PML: variants seen among roughly 807,000 people sequenced by gnomAD.
PML encodes the protein protein PML.
A neutral mutation model predicts 65.2 loss-of-function variants in PML; 28 were observed. That is an observed-to-expected ratio of 0.43 (90% CI 0.32 to 0.59). The LOEUF (loss-of-function observed/expected upper bound fraction) is 0.59. Ranked by LOEUF, PML falls within the 20% of genes least tolerant of loss-of-function variation. The pLI, the probability that PML is intolerant of heterozygous loss-of-function variation, is 0.08. For synonymous variants in PML, 500 were observed against 508.8 expected (o/e 0.98, Z 0.23); for missense variants, 1,021 against 1,203.4 (o/e 0.85, Z 2.24).
Position 74,044,809 on chromosome 15 carries a change from A to T in PML, c.2450A>T (p.Gln817Leu), listed in dbSNP as rs753549555. 1 of 1,613,132 alleles carries T rather than the reference A, an allele frequency of 6.2e-7. No individual in the cohort carries two copies. Among genetic ancestry groups the T allele is most frequent in the South Asian group, 1.1e-5 (1 of 91,084 alleles). ...CTGAGTGCACACCGCCGTGACCGGC[A>T]GGGGGGCCTGAAGAAGTACAGCCGC... ...ELLSAHRRDR[Q>L]GGLKKYSRYL... is the part of the protein sequence containing the mutation. The change falls in exon 9 of 9, where the codon CAG becomes CTG. Residue 817 changes from glutamine to leucine, a missense_variant. Gln to Leu is a moderately radical substitution (Grantham distance 113). Coordinates refer to ENST00000268058, the MANE Select transcript of PML (RefSeq NM_033238.3).
intron 7 of PML, among the ~76,000 whole-genome samples, chr15:74,039,949 C>T (rs1595921286): frequency 1.3e-5 from 2 of 152,092 alleles, no homozygotes; most frequent in South Asian, 2.1e-4. Context: ...ATGCTTGGGA[C>T]GACTGTTAGA....
chr15:74,004,413 A>G (rs749797016), intron 2 of PML, among the ~76,000 whole-genome samples: 181 of 152,120 alleles, frequency 1.2e-3, no homozygotes, highest in Non-Finnish European at 2.2e-3. Flanking sequence ...GAGGTCTGCT[A>G]GCCTTAGTCT....
At chr15:73,995,328 G>A (rs1033894834) in intron 1 of PML, among the ~76,000 whole-genome samples, 3 of 152,246 alleles carry the variant, frequency 2.0e-5, no homozygotes, top group African/African-American at 7.2e-5. Context: ...CTGGCCTGGA[G>A]CCAGGGGCAT....
chr15:74,023,671 A>G (rs952267162), intron 3 of PML, among the ~76,000 whole-genome samples: 1 of 152,192 alleles, frequency 6.6e-6, no homozygotes. Flanking sequence ...CATGGGGAAC[A>G]CGTGAAAGTT....
At chr15:74,016,381 A>AAC (rs2141806313) in intron 2 of PML, among the ~76,000 whole-genome samples, 1 of 152,324 alleles carries the variant, frequency 6.6e-6, no homozygotes, top group Non-Finnish European at 1.5e-5. Context: ...CAGCCTGGGC[A>AAC]ACATAGCAAG....
chr15:74,032,704 T>C lies in PML; in HGVS notation c.1387T>C (p.Ser463Pro). ...GTACGCCTTCTCCATCAAAGGCCCT[T>C]CCTATGGAGAGGTAAGGTTCTCCCC... ...PVYAFSIKGP[S>P]YGEDVSNTTT... Residue 463 changes from serine to proline, a missense_variant, in exon 5 of 9, where the codon TCC becomes CCC. Transcript: ENST00000268058. The C allele has an allele frequency of 6.2e-7, 1 of 1,614,160 alleles. No individual in the cohort carries two copies. Among genetic ancestry groups the C allele is most frequent in the Non-Finnish European group, 8.5e-7 (1 of 1,179,998 alleles).
At chr15:74,006,518 G>A (rs1053335914) in intron 2 of PML, among the ~76,000 whole-genome samples, 47 of 152,158 alleles carry the variant, frequency 3.1e-4, no homozygotes, top group Admixed American at 2.7e-3. Flanking sequence ...AACTCAAAGC[G>A]TTGGTTAGAA....
chr15:74,020,660 T>C (rs761820246), intron 2 of PML, among the ~76,000 whole-genome samples: 1 of 152,204 alleles, frequency 6.6e-6, no homozygotes, highest in Non-Finnish European at 1.5e-5. Context: ...TATTCTGTTA[T>C]GGTTCTGGAG....
chr15:74,034,351 G>A lies in PML; in HGVS notation c.1658-127G>A, dbSNP rs565949358. 218 of 1,192,116 alleles carry A rather than the reference G, an allele frequency of 1.8e-4. 1 individual carries two copies. The highest frequency in any genetic ancestry group is 1.7e-3 in the Middle Eastern group (8 of 4,794). The allele number at this position is 1,192,116 out of a possible 1,614,324, so 73.8% of individuals were successfully genotyped here. A position where few individuals can be genotyped will look rare whatever the true frequency, so the allele number is the denominator to read the frequency against. On this transcript the variant is annotated intron_variant, in intron 6 of 8. Coordinates refer to ENST00000268058, the MANE Select transcript of PML (RefSeq NM_033238.3). ...ATTGGCACACACAGTGGCTGTTCCC[G>A]TCCCCCTGCAGGGCATCCGTTTCCC...
intron 2 of PML, among the ~76,000 whole-genome samples, chr15:74,010,271 A>C (rs2070270317): frequency 7.1e-6 from 1 of 140,922 alleles, no homozygotes; most frequent in African/African-American, 2.7e-5. Context: ...GAGCTCAGGC[A>C]ATCCACCTGC....
At position 74,046,802 on chromosome 15, in the gene PML, G is replaced by C. The variant is rs1159364985; in HGVS notation, c.*1794G>C. On this transcript the variant is annotated 3_prime_UTR_variant, in exon 9 of 9. Transcript: ENST00000268058. ...ATGCTCCAATCACAGACTCTGCTCA[G>C]CATCCCCAGAGGAACCACTGAGAAG... 2 of 231,042 alleles carry C rather than the reference G, an allele frequency of 8.7e-6. No individual in the cohort carries two copies. The highest frequency in any genetic ancestry group is 4.4e-5 in the African/African-American group (2 of 45,248). 14.3% of individuals were successfully genotyped at this position (231,042 alleles called of 1,614,324 possible). A position where few individuals can be genotyped will look rare whatever the true frequency, so the allele number is the denominator to read the frequency against.
intron 2 of PML, among the ~76,000 whole-genome samples, chr15:74,020,287 CTT>C (rs1187914506): frequency 4.7e-4 from 55 of 116,244 alleles, no homozygotes; most frequent in East Asian, 1.2e-3. Context: ...TGACTTATTC[CTT>C]TTTTTTTTTT....
chr15:74,033,789 CTCTGCTCT>C, intron 6 of PML: 3 of 575,036 alleles, frequency 5.2e-6, no homozygotes, highest in South Asian at 2.3e-5. Context: ...ATGACCTTAA[CTCTGCTCT>C]CTCAGTCTAC....
chr15:74,035,934 C>G lies in PML; in HGVS notation c.1710+1404C>G. On this transcript the variant is annotated intron_variant, in intron 7 of 8. Coordinates refer to ENST00000268058, the MANE Select transcript of PML (RefSeq NM_033238.3). The surrounding 1 kb of genome is among the most constrained non-coding windows in gnomAD (Gnocchi z 4.1). ...CCCCATCAGCCCAGTCCCAGGCGCC[C>G]GTCAAGCAGGCCTCTGAGAGTGCTA... 6.2e-7 allele frequency: 1 copy of G among 1,613,998 alleles called. No individual in the cohort carries two copies.
Position 74,022,839 on chromosome 15 carries a change from G to A in PML, c.614G>A (p.Arg205Gln), listed in dbSNP as rs768489639. ...TTGTGTGTCCACAGCATCTACTGCCGAGGATGTTCCAAGCCGCTGTGCTGC... is the reference window on the plus strand; with the variant it reads ...TTGTGTGTCCACAGCATCTACTGCCAAGGATGTTCCAAGCCGCTGTGCTGC... ...RTPTLTSIYCRGCSKPLCCSC... is the reference protein window; with the variant it reads ...RTPTLTSIYCQGCSKPLCCSC... The change falls in exon 3 of 9, where the codon CGA becomes CAA. Residue 205 changes from arginine (R) to glutamine (Q), a missense_variant. Coordinates refer to ENST00000268058, the MANE Select transcript of PML (RefSeq NM_033238.3). The A allele has an allele frequency of 1.9e-6, 3 of 1,613,812 alleles. No individual in the cohort carries two copies. Among genetic ancestry groups the A allele is most frequent in the Middle Eastern group, 1.6e-4 (1 of 6,062 alleles).
rs1185631154 is a variant in PML at position 74,043,933 on chromosome 15, T to C, written c.1862-288T>C. Among the ~76,000 whole-genome samples the C allele has an allele frequency of 6.6e-6, 1 of 152,088 alleles. No homozygotes were observed. The highest frequency in any genetic ancestry group is 2.4e-5 in the African/African-American group (1 of 41,412). Reference sequence around the variant, plus strand: ...AGGCTGATAGAAGACAGGAGGGACCTGTATCCATGGGGTTTGGCCAACTCT... The same window carrying C: ...AGGCTGATAGAAGACAGGAGGGACCCGTATCCATGGGGTTTGGCCAACTCT... On this transcript the variant is annotated intron_variant, in intron 8 of 8. Transcript: ENST00000268058. This position sits in a 1 kb window ranked among gnomAD's most constrained non-coding sequence, Gnocchi z 4.3.
Position 74,006,711 on chromosome 15 carries a change from A to G in PML, c.602+8235A>G, listed in dbSNP as rs758007657. Among the ~76,000 whole-genome samples, 24 of 152,214 alleles carry G rather than the reference A, an allele frequency of 1.6e-4. 1 individual carries two copies. The highest frequency in any genetic ancestry group is 2.9e-4 in the Non-Finnish European group (20 of 68,034). On this transcript the variant is annotated intron_variant, in intron 2 of 8. Coordinates refer to ENST00000268058, the MANE Select transcript of PML (RefSeq NM_033238.3). ...TAAAGAAAAGAGGTTTATTTGGCTC[A>G]TGTTCTGCATGCTGTACAATCATGG...
chr15:74,017,983 T>A lies in PML; in HGVS notation c.603-4845T>A, dbSNP rs558388187. Among the ~76,000 whole-genome samples, 249 of 151,806 alleles carry A rather than the reference T, an allele frequency of 1.6e-3. 1 individual carries two copies. Among genetic ancestry groups the A allele is most frequent in the South Asian group, 7.5e-3 (36 of 4,812 alleles). On this transcript the variant is annotated intron_variant, in intron 2 of 8. Coordinates refer to ENST00000268058, the MANE Select transcript of PML (RefSeq NM_033238.3). ...GACTCTGTCTCTATAAAATTAAAAA[T>A]TTTTTTCTTAGCTATTTTATCTGTT...
chr15:74,040,001 G>A (rs532345861), intron 7 of PML, among the ~76,000 whole-genome samples: 12 of 152,230 alleles, frequency 7.9e-5, no homozygotes, highest in African/African-American at 2.2e-4. Flanking sequence ...TGCTCAGGCC[G>A]TGAAATCTAT....
Sources: allele counts gnomAD v4.1 joint callset (sites outside exome capture counted in the v4.1 genomes callset), GRCh38; gene constraint gnomAD v4.1.1; non-coding constraint Gnocchi (gnomAD v3.1); transcripts MANE v1.5; gene names NCBI Gene and HGNC (gene_info 2026-07-23, HGNC 2026-07-21).